Variants in ARHGAP23 observed in about 807,000 individuals in gnomAD.
ARHGAP23 encodes the protein rho GTPase-activating protein 23.
Under a neutral mutation model 136.3 loss-of-function variants are expected in ARHGAP23, and 34 were observed. The ratio of observed to expected loss-of-function variants is 0.25; its 90% CI spans 0.19 to 0.33. The LOEUF (loss-of-function observed/expected upper bound fraction) is 0.33. ARHGAP23 is among the 10% of genes least tolerant of loss of function. ARHGAP23 has a pLI of 1.00. For synonymous variants in ARHGAP23, 832 were observed against 920.5 expected (o/e 0.90, Z 1.74); for missense variants, 1,808 against 2,139.0 (o/e 0.85, Z 3.05).
chr17:38,450,291 G>A (rs148894324), intron 1 of ARHGAP23: 4 of 152,352 alleles, frequency 2.6e-5, no homozygotes, highest in African/African-American at 9.6e-5. Context: ...TAAACAAGAG[G>A]GTAATGGAAA....
chr17:38,441,549 C>T (rs1173614674), intron 1 of ARHGAP23, among the ~76,000 whole-genome samples: 1 of 152,164 alleles, frequency 6.6e-6, no homozygotes, highest in Non-Finnish European at 1.5e-5. Context: ...CCAGAGAGGG[C>T]GGGGACTGGA....
intron 1 of ARHGAP23, among the ~76,000 whole-genome samples, chr17:38,447,767 C>T (rs914912319): frequency 2.0e-5 from 3 of 152,000 alleles, no homozygotes; most frequent in Non-Finnish European, 4.4e-5. Flanking sequence ...ACCCCAGAGA[C>T]AGCCAAGGGC....
Position 38,466,359 on chromosome 17 carries a change from A to G in ARHGAP23, c.676A>G (p.Ser226Gly). The change falls in exon 7 of 24, where the codon AGT becomes GGT. Residue 226 changes from serine to glycine, a missense_variant. Transcript: ENST00000622683. ...PSDPRSPAAW[S>G]DPGLRVPPAA... is the part of the protein sequence containing the mutation. ...TGACCCCCGGAGTCCTGCTGCCTGG[A>G]GTGACCCGGGGCTCCGTGTGCCACC... The G allele has an allele frequency of 6.5e-7, 1 of 1,540,354 alleles. No individual in the cohort carries two copies. The highest frequency in any genetic ancestry group is 1.2e-5 in the South Asian group (1 of 83,732).
chr17:38,463,915 T>C (rs1043885615), intron 6 of ARHGAP23, among the ~76,000 whole-genome samples: 3 of 151,852 alleles, frequency 2.0e-5, no homozygotes, highest in Non-Finnish European at 4.4e-5. Context: ...CGTGCCGCAA[T>C]ACAGACAACC....
chr17:38,433,741 TCC>T (rs1205452443), intron 1 of ARHGAP23, among the ~76,000 whole-genome samples: 2 of 152,032 alleles, frequency 1.3e-5, no homozygotes, highest in Non-Finnish European at 2.9e-5. Flanking sequence ...ACTGTGAGGC[TCC>T]CCAGAGGATA....
At chr17:38,481,715 T>C (rs1399712035) in intron 14 of ARHGAP23, among the ~76,000 whole-genome samples, 1 of 152,210 alleles carries the variant, frequency 6.6e-6, no homozygotes, top group East Asian at 1.9e-4. Flanking sequence ...GCTATGATCA[T>C]ACCACTGCAC....
At chr17:38,428,396 G>C, upstream of ARHGAP23, 2 of 506,364 alleles carry the variant, frequency 3.9e-6, no homozygotes, top group Non-Finnish European at 5.8e-6. Context: ...CCCCCACACC[G>C]CGCTCGGCCC....
Position 38,482,033 on chromosome 17 carries a change from G to A in ARHGAP23, c.2641G>A (p.Ala881Thr), listed in dbSNP as rs2040055444. 8 of 1,540,036 alleles carry A rather than the reference G, an allele frequency of 5.2e-6. No individual in the cohort carries two copies. Among genetic ancestry groups the A allele is most frequent in the Non-Finnish European group, 7.0e-6 (8 of 1,143,038 alleles). ...CTCCCCCACTTCAGATGACAGTGCT[G>A]CAGCCCCCAAAACCCCCTGGGGCAT... ...LPAGSKDDSA[A>T]APKTPWGINI... Residue 881 changes from alanine to threonine, a missense_variant, in exon 15 of 24, where the codon GCA becomes ACA. Physicochemically the swap from Ala to Thr is moderately conservative, Grantham distance 58. Transcript: ENST00000622683.
At chr17:38,503,409 G>A (rs1298493681) in intron 23 of ARHGAP23, among the ~76,000 whole-genome samples, 1 of 152,208 alleles carries the variant, frequency 6.6e-6, no homozygotes, top group Non-Finnish European at 1.5e-5. Context: ...TTCCTGAAGG[G>A]GCCGAGAAGC....
At chr17:38,500,547 T>C (rs1231829770) in intron 22 of ARHGAP23, 50 bp from the exon 23 acceptor site, 2 of 1,523,576 alleles carry the variant, frequency 1.3e-6, no homozygotes, top group Non-Finnish European at 8.9e-7. Flanking sequence ...GACTCAGCTT[T>C]CTTTTTTCCT....
rs944968097 is a variant in ARHGAP23, at chr17:38,428,542, C to T, written c.57C>T (p.Pro19=). 4.1e-5 allele frequency: 60 copies of T among 1,451,188 alleles called. No homozygotes were observed. Among genetic ancestry groups the T allele is most frequent in the Non-Finnish European group, 5.4e-5 (60 of 1,104,798 alleles). 89.9% of individuals were successfully genotyped at this position (1,451,188 alleles called of 1,614,324 possible). The change falls in exon 1 of 24, where the codon CCC becomes CCT. Residue 19 remains proline, a synonymous_variant. Coordinates refer to ENST00000622683, the MANE Select transcript of ARHGAP23 (RefSeq NM_001199417.2). ...VGIPPRPEPR[P]PQLPLGPRDG... Reference sequence around the variant, plus strand: ...TCCCGCCCCGCCCGGAGCCCCGGCCCCCACAGGTGAGGGTGCTGGGCCAGG... The same window carrying T: ...TCCCGCCCCGCCCGGAGCCCCGGCCTCCACAGGTGAGGGTGCTGGGCCAGG...
chr17:38,495,903 T>C (rs7504109), intron 20 of ARHGAP23, among the ~76,000 whole-genome samples: 102,875 of 151,968 alleles, frequency 0.68, 36,229 homozygotes, highest in East Asian at 0.91. Flanking sequence ...TTTTTATTCA[T>C]TTATTTTTTT....
chr17:38,487,283 A>G (rs957081717), intron 17 of ARHGAP23, among the ~76,000 whole-genome samples: 2 of 152,224 alleles, frequency 1.3e-5, no homozygotes, highest in African/African-American at 4.8e-5. Flanking sequence ...GTTTGAATAG[A>G]CTACAATTTC....
At chr17:38,478,271 T>C (rs911971238) in intron 12 of ARHGAP23, among the ~76,000 whole-genome samples, 1 of 152,134 alleles carries the variant, frequency 6.6e-6, no homozygotes, top group African/African-American at 2.4e-5. Flanking sequence ...TGTTAGGGCA[T>C]GAGTGTCCCC....
chr17:38,428,448 CAG>C, upstream of ARHGAP23: 1 of 1,364,300 alleles, frequency 7.3e-7, no homozygotes. Context: ...CCGGCGCCCC[CAG>C]CCGTGCCCCG....
At chr17:38,464,766 C>G (rs1370955124) in intron 6 of ARHGAP23, among the ~76,000 whole-genome samples, 1 of 152,210 alleles carries the variant, frequency 6.6e-6, no homozygotes, top group African/African-American at 2.4e-5. Context: ...TCAAGTTCTG[C>G]TGCCCAGGCT....
chr17:38,481,202 A>G (rs997973835), intron 14 of ARHGAP23, among the ~76,000 whole-genome samples: 12 of 146,342 alleles, frequency 8.2e-5, no homozygotes, highest in African/African-American at 3.0e-4. Flanking sequence ...GCTGGAGTGC[A>G]GTGGTGTGAT....
chr17:38,450,937 A>T (rs1429118770), intron 1 of ARHGAP23: 1 of 151,854 alleles, frequency 6.6e-6, no homozygotes, highest in Non-Finnish European at 1.5e-5. Context: ...GTCAAACTAG[A>T]GGGGGATGGA....
intron 1 of ARHGAP23, among the ~76,000 whole-genome samples, chr17:38,453,418 C>CGTGTGT (rs1468704405): frequency 2.1e-4 from 21 of 100,952 alleles, no homozygotes; most frequent in African/African-American, 4.3e-4. Context: ...CGCGCGTATG[C>CGTGTGT]GTGCGTGTGT....
Sources: gnomAD v4.1 joint callset for allele counts (sites outside exome capture counted in the v4.1 genomes callset) on GRCh38, gnomAD v4.1.1 for gene constraint, MANE v1.5 for transcripts, NCBI Gene and HGNC (gene_info 2026-07-23, HGNC 2026-07-21) for gene names.